The following DIP2B variants were observed in gnomAD, a reference collection of about 807,000 sequenced individuals.
DIP2B encodes the protein disco-interacting protein 2 homolog B.
A neutral mutation model predicts 198.0 loss-of-function variants in DIP2B; 76 were observed. The ratio of observed to expected loss-of-function variants is 0.38; its 90% CI spans 0.32 to 0.46. The LOEUF is 0.46. Ranked by LOEUF, DIP2B falls within the 20% of genes least tolerant of loss-of-function variation. The probability of loss-of-function intolerance (pLI) is 0.99; values close to 1 mark genes in which losing one functional copy is unlikely to be tolerated. For missense variants in DIP2B, 1,559 were observed against 1,978.4 expected (o/e 0.79, Z 4.02); for synonymous variants, 701 against 739.1 (o/e 0.95, Z 0.84).
At chr12:50,699,864 AACACACACAC>A (rs56369651) in intron 19 of DIP2B, among the ~76,000 whole-genome samples, 3 of 146,070 alleles carry the variant, frequency 2.1e-5, no homozygotes, top group Middle Eastern at 7.1e-3. Flanking sequence ...CCCTGTCTCA[AACACACACAC>A]ACACACACAC....
intron 14 of DIP2B, among the ~76,000 whole-genome samples, chr12:50,694,496 GATAA>G (rs1467096007): frequency 4.2e-4 from 59 of 141,304 alleles, no homozygotes; most frequent in Middle Eastern, 6.8e-3. Flanking sequence ...CTCTGTCTCA[GATAA>G]ATAAATACAT....
intron 1 of DIP2B, among the ~76,000 whole-genome samples, chr12:50,623,324 G>T (rs1937851524): frequency 6.6e-6 from 1 of 151,360 alleles, no homozygotes; most frequent in Non-Finnish European, 1.5e-5. Context: ...CGTGAGCTAT[G>T]ATCACACCAC....
intron 1 of DIP2B, among the ~76,000 whole-genome samples, chr12:50,586,944 G>A (rs2139425258): frequency 6.6e-6 from 1 of 152,206 alleles, no homozygotes; most frequent in South Asian, 2.1e-4. Flanking sequence ...ACATGTTTTT[G>A]CTTGTATATG....
At chr12:50,741,070 G>A (rs1940234027) in intron 36 of DIP2B, among the ~76,000 whole-genome samples, 2 of 152,228 alleles carry the variant, frequency 1.3e-5, no homozygotes, top group South Asian at 4.1e-4. Context: ...AGGATCTTCA[G>A]AGAAGGAATT....
intron 24 of DIP2B, 22 bp downstream of exon 24, chr12:50,718,840 C>T (rs1211829124): frequency 1.9e-6 from 3 of 1,612,630 alleles, no homozygotes; most frequent in African/African-American, 1.3e-5. Context: ...TGAAGTGTTA[C>T]CTTCTTACAG....
At chr12:50,733,437 C>G (rs898058614) in intron 32 of DIP2B, among the ~76,000 whole-genome samples, 2 of 152,072 alleles carry the variant, frequency 1.3e-5, no homozygotes, top group African/African-American at 2.4e-5. Context: ...GCTATAATCC[C>G]AACACTTTGT....
intron 1 of DIP2B, among the ~76,000 whole-genome samples, chr12:50,577,165 T>C (rs985635276): frequency 6.6e-6 from 1 of 152,186 alleles, no homozygotes; most frequent in Non-Finnish European, 1.5e-5. Context: ...AACTTTACAC[T>C]CTTAAATTAT....
chr12:50,688,144 A>G (rs1025103956), intron 12 of DIP2B, among the ~76,000 whole-genome samples: 16 of 151,856 alleles, frequency 1.1e-4, no homozygotes, highest in African/African-American at 3.9e-4. Context: ...CCCAGGATGC[A>G]GAGGTTGCAG....
At chr12:50,651,356 G>A (rs749849248) in intron 3 of DIP2B, among the ~76,000 whole-genome samples, 3 of 151,996 alleles carry the variant, frequency 2.0e-5, no homozygotes, top group Non-Finnish European at 2.9e-5. Context: ...GCCTATTTTT[G>A]CTCTTACTGC....
chr12:50,523,485 T>C (rs1054201420), intron 1 of DIP2B, among the ~76,000 whole-genome samples: 1 of 152,168 alleles, frequency 6.6e-6, no homozygotes, highest in African/African-American at 2.4e-5. Context: ...ATGAGAAGAC[T>C]GATATATATA....
intron 17 of DIP2B, 150 bp from the exon 18 acceptor site, chr12:50,698,178 C>T (rs777359760): frequency 4.7e-5 from 46 of 970,066 alleles, no homozygotes; most frequent in African/African-American, 8.2e-5. Context: ...GTGTGAGACA[C>T]CACACCCAGC....
intron 6 of DIP2B, 86 bp downstream of exon 6, chr12:50,674,715 A>G (rs1938915462): frequency 1.3e-6 from 2 of 1,523,930 alleles, no homozygotes. Flanking sequence ...TAACTAGCCC[A>G]GCAGCTGCAG....
chr12:50,526,888 G>A (rs960925201), intron 1 of DIP2B, among the ~76,000 whole-genome samples: 1 of 151,870 alleles, frequency 6.6e-6, no homozygotes, highest in Non-Finnish European at 1.5e-5. Flanking sequence ...CGACTACCCC[G>A]GTCCCCCAAA....
intron 25 of DIP2B, 41 bp downstream of exon 25, chr12:50,719,076 A>G (rs773915506): frequency 4.4e-6 from 7 of 1,596,924 alleles, no homozygotes; most frequent in Non-Finnish European, 5.1e-6. Context: ...GCTGACTACT[A>G]TAGGACCATC....
chr12:50,541,365 C>A (rs918421022), intron 1 of DIP2B, among the ~76,000 whole-genome samples: 1 of 149,348 alleles, frequency 6.7e-6, no homozygotes, highest in African/African-American at 2.5e-5. Flanking sequence ...TAAAGGAGAC[C>A]TATCAAAAAC....
chr12:50,599,859 A>T (rs1452249564), intron 1 of DIP2B, among the ~76,000 whole-genome samples: 1 of 152,188 alleles, frequency 6.6e-6, no homozygotes, highest in Non-Finnish European at 1.5e-5. Flanking sequence ...CGATGGCAAT[A>T]GGAGATTTTT....
intron 2 of DIP2B, among the ~76,000 whole-genome samples, chr12:50,631,504 C>G (rs1045231968): frequency 6.6e-6 from 1 of 151,884 alleles, no homozygotes; most frequent in Admixed American, 6.6e-5. Context: ...GGATTACAGG[C>G]ATGAGCCACC....
rs1018788554 is a variant in DIP2B at position 50,717,160 on chromosome 12, G to T, written c.2852-1549G>T. ...GGGTTTTGCCATGTTGGCCAGGCTG[G>T]TGTCAAACTCCTGTCCTCAAATGAT... On this transcript the variant is annotated intron_variant, in intron 23 of 37. Transcript: ENST00000301180. Among the ~76,000 whole-genome samples the T allele has an allele frequency of 2.4e-4, 37 of 151,486 alleles. No homozygotes were observed. In the East Asian group the frequency reaches 2.7e-3, roughly 11 times the overall value.
At chr12:50,623,392 TACACACAC>T (rs55689070) in intron 1 of DIP2B, among the ~76,000 whole-genome samples, 4,149 of 93,780 alleles carry the variant, frequency 0.044, 134 homozygotes, top group South Asian at 0.061. Context: ...TATATGTATC[TACACACAC>T]ACACACACAC....
Sources: gnomAD v4.1 joint callset for allele counts (sites outside exome capture counted in the v4.1 genomes callset) on GRCh38, gnomAD v4.1.1 for gene constraint, MANE v1.5 for transcripts, NCBI Gene and HGNC (gene_info 2026-07-23, HGNC 2026-07-21) for gene names.